Variants in RNF169 observed in about 807,000 individuals in gnomAD.
RNF169 encodes the protein ring finger protein 169.
RNF169 carries 24 observed loss-of-function variants against 53.9 expected under a neutral mutation model. The observed-to-expected ratio is 0.45, with a 90% CI of 0.32 to 0.63. The LOEUF (loss-of-function observed/expected upper bound fraction) is 0.63. Among genes scored for constraint, RNF169 ranks in the 20% least tolerant of loss-of-function variants. RNF169 has a pLI of 0.04. For missense variants in RNF169, 883 were observed against 906.2 expected, an observed-to-expected ratio of 0.97 and a Z score of 0.33; for synonymous variants, 396 against 363.5, an observed-to-expected ratio of 1.09 and a Z score of -1.02.
chr11:74,766,376 A>G (rs2035175304), intron 1 of RNF169, among the ~76,000 whole-genome samples: 2 of 152,224 alleles, frequency 1.3e-5, no homozygotes, highest in African/African-American at 4.8e-5. Context: ...TCATGGATTA[A>G]AAGATACAAT....
chr11:74,768,452 C>G (rs921422696), intron 1 of RNF169, among the ~76,000 whole-genome samples: 2 of 151,818 alleles, frequency 1.3e-5, no homozygotes, highest in South Asian at 2.1e-4. Flanking sequence ...ACTGAAAATA[C>G]AAAAATTAGT....
chr11:74,792,459 C>T (rs933782861), intron 2 of RNF169, among the ~76,000 whole-genome samples: 10 of 151,868 alleles, frequency 6.6e-5, no homozygotes, highest in African/African-American at 1.7e-4. Context: ...TGGAGTGCAG[C>T]GGTGCAGTCT....
In RNF169 at chr11:74,799,384, T is replaced by C. The variant is rs552262963; in HGVS notation, c.576+9685T>C. 1.1e-3 allele frequency among the ~76,000 whole-genome samples: 174 copies of C among 152,308 alleles called. 4 individuals are homozygous for C. Among genetic ancestry groups the C allele is most frequent in the Non-Finnish European group, 3.1e-4 (21 of 68,030 alleles). On this transcript the variant is annotated intron_variant, in intron 2 of 5. Transcript: ENST00000299563. ...GGTTGTTGTCTCCTTTTGCTATTTA[T>C]AACTACCCAGATGTGGAGAAACAGT...
At chr11:74,809,717 G>A (rs148790153) in intron 2 of RNF169, among the ~76,000 whole-genome samples, 53 of 152,286 alleles carry the variant, frequency 3.5e-4, no homozygotes, top group Non-Finnish European at 6.6e-4. Flanking sequence ...TCCTGTAACT[G>A]CAGGATAAGA....
chr11:74,834,881 C>A, intron 5 of RNF169, 106 bp downstream of exon 5: 1 of 659,920 alleles, frequency 1.5e-6, no homozygotes, highest in African/African-American at 1.8e-5. Context: ...GCAGAATGAG[C>A]CCAGGCATAC....
chr11:74,751,017 C>T (rs1315541950), intron 1 of RNF169, among the ~76,000 whole-genome samples: 1 of 151,790 alleles, frequency 6.6e-6, no homozygotes, highest in African/African-American at 2.4e-5. Flanking sequence ...ACCACAGGCA[C>T]GCGCCACCAC....
chr11:74,829,492 G>A (rs901100331), intron 4 of RNF169, among the ~76,000 whole-genome samples: 6 of 152,106 alleles, frequency 3.9e-5, no homozygotes, highest in Non-Finnish European at 8.8e-5. Flanking sequence ...TCATTACTAG[G>A]TATATACACA....
intron 1 of RNF169, among the ~76,000 whole-genome samples, chr11:74,778,903 A>G (rs2035376546): frequency 6.6e-6 from 1 of 152,222 alleles, no homozygotes; most frequent in Admixed American, 6.5e-5. Context: ...TGCTGAAGTT[A>G]TTGCTATCAG....
chr11:74,781,312 C>G (rs555897133), intron 1 of RNF169, among the ~76,000 whole-genome samples: 9 of 152,180 alleles, frequency 5.9e-5, no homozygotes, highest in Non-Finnish European at 1.2e-4. Flanking sequence ...GATGGTGGAT[C>G]CTCTGTAGGA....
intron 4 of RNF169, among the ~76,000 whole-genome samples, chr11:74,818,710 C>T (rs2035971660): frequency 6.6e-6 from 1 of 152,154 alleles, no homozygotes; most frequent in Non-Finnish European, 1.5e-5. Context: ...ACAATCTTCA[C>T]CCCAGTTCAT....
chr11:74,804,472 G>A lies in RNF169; in HGVS notation c.577-5712G>A, dbSNP rs75448911. 3.2e-3 allele frequency among the ~76,000 whole-genome samples: 494 copies of A among 152,314 alleles called. 2 individuals carry two copies. The highest frequency in any genetic ancestry group is 0.011 in the African/African-American group (472 of 41,570). Reference sequence around the variant, plus strand: ...ATGTTTTTGCACTGCATGGTGGTAGGAGGTGCTCTTTAGAGTTTTTCTTTG... The same window carrying A: ...ATGTTTTTGCACTGCATGGTGGTAGAAGGTGCTCTTTAGAGTTTTTCTTTG... On this transcript the variant is annotated intron_variant, in intron 2 of 5. Transcript: ENST00000299563.
At chr11:74,813,469 G>T (rs693212) in intron 3 of RNF169, among the ~76,000 whole-genome samples, 52,311 of 152,010 alleles carry the variant, frequency 0.34, 11,025 homozygotes, top group African/African-American at 0.6. Context: ...GAAAACAATT[G>T]GATACAGCAG....
intron 1 of RNF169, among the ~76,000 whole-genome samples, chr11:74,754,040 G>A (rs116506778): frequency 1.8e-3 from 281 of 152,246 alleles, no homozygotes; most frequent in African/African-American, 6.5e-3. Flanking sequence ...TTGAGGATCT[G>A]CAACTCGTAT....
Position 74,816,238 on chromosome 11 carries a change from A to G in RNF169, c.724-1358A>G, listed in dbSNP as rs529070561. On this transcript the variant is annotated intron_variant, in intron 3 of 5. Coordinates refer to ENST00000299563, the MANE Select transcript of RNF169 (RefSeq NM_001098638.2). ...ACTTTGATAATCATTTGATCATTAG[A>G]TAATTGGTTAATCATCAGCTGAGCA... 4.6e-5 allele frequency among the ~76,000 whole-genome samples: 7 copies of G among 152,324 alleles called. No homozygotes were observed. In the East Asian group the frequency reaches 1.2e-3, roughly 25 times the overall value.
At chr11:74,808,797 C>T (rs1184341435) in intron 2 of RNF169, among the ~76,000 whole-genome samples, 1 of 152,204 alleles carries the variant, frequency 6.6e-6, no homozygotes, top group African/African-American at 2.4e-5. Flanking sequence ...CATCTAAAAT[C>T]TTCAGAAGAC....
chr11:74,810,511 G>A (rs2035860971), intron 3 of RNF169, among the ~76,000 whole-genome samples, 181 bp downstream of exon 3: 1 of 152,148 alleles, frequency 6.6e-6, no homozygotes, highest in Non-Finnish European at 1.5e-5. Flanking sequence ...ATTTTTGAAT[G>A]GGATATTAAG....
intron 4 of RNF169, among the ~76,000 whole-genome samples, chr11:74,829,987 C>T (rs1054550838): frequency 3.0e-4 from 45 of 151,944 alleles, no homozygotes; most frequent in African/African-American, 9.7e-4. Context: ...GCACATCCTG[C>T]GCATGTACCC....
chr11:74,769,824 C>G (rs1281498232), intron 1 of RNF169, among the ~76,000 whole-genome samples: 1 of 152,218 alleles, frequency 6.6e-6, no homozygotes, highest in Non-Finnish European at 1.5e-5. Context: ...CCAACAAGGT[C>G]TCCCTCTGAC....
At chr11:74,797,534 A>AC (rs745748116) in intron 2 of RNF169, among the ~76,000 whole-genome samples, 1 of 152,242 alleles carries the variant, frequency 6.6e-6, no homozygotes, top group Non-Finnish European at 1.5e-5. Flanking sequence ...CTTTAACTCC[A>AC]CTGTGTCTAA....
Sources: gnomAD v4.1 joint callset for allele counts (sites outside exome capture counted in the v4.1 genomes callset) on GRCh38, gnomAD v4.1.1 for gene constraint, MANE v1.5 for transcripts, NCBI Gene and HGNC (gene_info 2026-07-23, HGNC 2026-07-21) for gene names.